The following ZDHHC14 variants were observed in gnomAD, a reference collection of about 807,000 sequenced individuals.
ZDHHC14 encodes palmitoyltransferase ZDHHC14.
A neutral mutation model predicts 47.7 loss-of-function variants in ZDHHC14; 16 were observed. That is an observed-to-expected ratio of 0.34 (90% CI 0.23 to 0.51). The LOEUF (loss-of-function observed/expected upper bound fraction) is 0.51. ZDHHC14 is among the 20% of genes least tolerant of loss of function. ZDHHC14 has a pLI of 0.97. For missense variants in ZDHHC14, 515 were observed against 662.5 expected (o/e 0.78, Z 2.44); for synonymous variants, 293 against 278.9 (o/e 1.05, Z -0.50).
At chr6:157,610,028 GC>G (rs1784692409) in intron 3 of ZDHHC14, among the ~76,000 whole-genome samples, 1 of 152,236 alleles carries the variant, frequency 6.6e-6, no homozygotes. Context: ...CACAGAGGGG[GC>G]TGCAGGCCAT....
intron 1 of ZDHHC14, among the ~76,000 whole-genome samples, chr6:157,537,850 T>G (rs931261818): frequency 6.6e-6 from 1 of 152,214 alleles, no homozygotes; most frequent in African/African-American, 2.4e-5. Flanking sequence ...GCACAGTGCT[T>G]CCTTCAGCTG....
chr6:157,600,339 A>G (rs1251436204), intron 3 of ZDHHC14, among the ~76,000 whole-genome samples: 1 of 152,234 alleles, frequency 6.6e-6, no homozygotes, highest in Non-Finnish European at 1.5e-5. Context: ...TAATAAAACT[A>G]TTAGTATATC....
intron 8 of ZDHHC14, 103 bp from the exon 9 acceptor site, chr6:157,672,621 C>T (rs959316272): frequency 6.5e-6 from 3 of 464,228 alleles, no homozygotes; most frequent in Non-Finnish European, 1.2e-5. Context: ...TCTCTCTTCT[C>T]GCACCCCACC....
At chr6:157,429,118 T>C (rs532915153) in intron 1 of ZDHHC14, among the ~76,000 whole-genome samples, 1 of 152,264 alleles carries the variant, frequency 6.6e-6, no homozygotes, top group African/African-American at 2.4e-5. Context: ...CACTAATTCT[T>C]TGAAAACATT....
chr6:157,453,196 G>A (rs1778842067), intron 1 of ZDHHC14, among the ~76,000 whole-genome samples: 2 of 152,166 alleles, frequency 1.3e-5, no homozygotes, highest in African/African-American at 4.8e-5. Flanking sequence ...AGTTTCTTCA[G>A]ACAGGTATTC....
At chr6:157,479,458 G>A (rs967618103) in intron 1 of ZDHHC14, among the ~76,000 whole-genome samples, 1 of 152,168 alleles carries the variant, frequency 6.6e-6, no homozygotes, top group Non-Finnish European at 1.5e-5. Context: ...TTCTCAGGCA[G>A]CCCCTGGTAT....
At chr6:157,458,086 C>T (rs186036926) in intron 1 of ZDHHC14, among the ~76,000 whole-genome samples, 8 of 152,360 alleles carry the variant, frequency 5.3e-5, no homozygotes, top group Non-Finnish European at 7.3e-5. Flanking sequence ...CCTCCTCTTT[C>T]TGCACTCGGT....
intron 7 of ZDHHC14, among the ~76,000 whole-genome samples, chr6:157,650,132 T>A (rs1562529096): frequency 6.6e-6 from 1 of 151,992 alleles, no homozygotes. Flanking sequence ...AGGGGCCAGC[T>A]TCTGGGCAGC....
intron 3 of ZDHHC14, among the ~76,000 whole-genome samples, chr6:157,620,147 A>C (rs1785129477): frequency 6.6e-6 from 1 of 152,118 alleles, no homozygotes; most frequent in African/African-American, 2.4e-5. Context: ...AAAGGGATTT[A>C]TTTCTTAGGG....
chr6:157,450,926 T>G (rs1279914714), intron 1 of ZDHHC14, among the ~76,000 whole-genome samples: 1 of 152,234 alleles, frequency 6.6e-6, no homozygotes, highest in Non-Finnish European at 1.5e-5. Flanking sequence ...GATGTCTTTG[T>G]ATAAAAACAT....
Position 157,672,716 on chromosome 6 carries a change from C to T in ZDHHC14, c.1069-8C>T. The T allele has an allele frequency of 6.2e-7, 1 of 1,609,920 alleles. No homozygotes were observed. Among genetic ancestry groups the T allele is most frequent in the Non-Finnish European group, 8.5e-7 (1 of 1,179,094 alleles). The stretch of plus-strand genomic sequence containing the variant: ...ACCTTCTCTTTGCTGGCGCCTCCCG[C>T]TCTCCAGTGCGACCAAGACCAGTGC... On this transcript the variant is annotated splice_region_variant and splice_polypyrimidine_tract_variant and intron_variant, in intron 8 of 8. Transcript: ENST00000359775.
chr6:157,411,647 G>A (rs1777871852), intron 1 of ZDHHC14, among the ~76,000 whole-genome samples: 1 of 151,340 alleles, frequency 6.6e-6, no homozygotes, highest in Non-Finnish European at 1.5e-5. Flanking sequence ...AAGAGAGAAA[G>A]TAAAAGGTTG....
intron 2 of ZDHHC14, among the ~76,000 whole-genome samples, chr6:157,555,675 A>G (rs1270056349): frequency 6.6e-6 from 1 of 152,156 alleles, no homozygotes; most frequent in African/African-American, 2.4e-5. Flanking sequence ...CAGCATCAAC[A>G]AGGACAGATT....
chr6:157,643,005 A>G (rs1284022001), intron 5 of ZDHHC14, among the ~76,000 whole-genome samples: 1 of 152,240 alleles, frequency 6.6e-6, no homozygotes, highest in Non-Finnish European at 1.5e-5. Context: ...ATCCCAGCAG[A>G]GCAGACTTCC....
chr6:157,527,249 A>G (rs551935612), intron 1 of ZDHHC14, among the ~76,000 whole-genome samples: 10 of 151,938 alleles, frequency 6.6e-5, no homozygotes, highest in Admixed American at 1.3e-4. Context: ...CCCATCTCCT[A>G]CCAGACTTGG....
intron 3 of ZDHHC14, among the ~76,000 whole-genome samples, chr6:157,599,003 T>A (rs1236178910): frequency 6.6e-6 from 1 of 152,228 alleles, no homozygotes; most frequent in African/African-American, 2.4e-5. Flanking sequence ...TTAAAAAACT[T>A]TTATAAATCT....
chr6:157,446,318 C>G (rs975390352), intron 1 of ZDHHC14, among the ~76,000 whole-genome samples: 4 of 152,184 alleles, frequency 2.6e-5, no homozygotes, highest in African/African-American at 9.6e-5. Context: ...GCAATCCATT[C>G]CCAAAAACCT....
intron 1 of ZDHHC14, among the ~76,000 whole-genome samples, chr6:157,542,281 GCT>G (rs1781794724): frequency 6.6e-6 from 1 of 152,158 alleles, no homozygotes; most frequent in African/African-American, 2.4e-5. Flanking sequence ...ATTTATACAA[GCT>G]CTGTGCGTCT....
chr6:157,618,573 C>T (rs545504420), intron 3 of ZDHHC14, among the ~76,000 whole-genome samples: 4 of 152,242 alleles, frequency 2.6e-5, no homozygotes, highest in African/African-American at 9.6e-5. Context: ...CCACCCACCT[C>T]GGCCTCCCAA....
Sources: gnomAD v4.1 joint callset for allele counts (sites outside exome capture counted in the v4.1 genomes callset) on GRCh38, gnomAD v4.1.1 for gene constraint, MANE v1.5 for transcripts, NCBI Gene and HGNC (gene_info 2026-07-23, HGNC 2026-07-21) for gene names.